Variants in MTHFD2L observed in about 807,000 individuals in gnomAD.
MTHFD2L encodes the protein methylenetetrahydrofolate dehydrogenase (NADP+ dependent) 2 like.
A neutral mutation model predicts 34.9 loss-of-function variants in MTHFD2L; 29 were observed. The ratio of observed to expected loss-of-function variants is 0.83; its 90% confidence interval spans 0.62 to 1.13. The LOEUF (loss-of-function observed/expected upper bound fraction) is 1.13. Ranked by LOEUF, MTHFD2L falls within the 50% of genes most tolerant of loss-of-function variation. The pLI is 0.00. For synonymous variants in MTHFD2L, 167 were observed against 155.7 expected (o/e 1.07, Z -0.54); for missense variants, 481 against 446.5 (o/e 1.08, Z -0.70).
chr4:74,120,032 C>T (rs1444815193), upstream of MTHFD2L, among the ~76,000 whole-genome samples: 2 of 152,152 alleles, frequency 1.3e-5, no homozygotes, highest in South Asian at 2.1e-4. Context: ...TTGAAGGCCA[C>T]CATTTTATCA....
chr4:74,243,177 T>C (rs898623263), intron 6 of MTHFD2L, among the ~76,000 whole-genome samples: 1 of 152,226 alleles, frequency 6.6e-6, no homozygotes, highest in Admixed American at 6.5e-5. Flanking sequence ...TAAGGGTTTA[T>C]GATTAGTAGC....
At chr4:74,285,660 G>A (rs1748078150) in intron 7 of MTHFD2L, among the ~76,000 whole-genome samples, 1 of 151,978 alleles carries the variant, frequency 6.6e-6, no homozygotes, top group South Asian at 2.1e-4. Flanking sequence ...AACTTTTAAT[G>A]TTTTGACAAA....
At chr4:74,158,083 G>T (rs1183793875), upstream of MTHFD2L, 2 of 1,532,138 alleles carry the variant, frequency 1.3e-6, no homozygotes, top group Non-Finnish European at 1.7e-6. Context: ...CTCCAGCCGC[G>T]AGGACTGGAG....
chr4:74,152,399 AG>A (rs949173257), intron 1 of MTHFD2L, among the ~76,000 whole-genome samples: 2 of 152,120 alleles, frequency 1.3e-5, no homozygotes, highest in Non-Finnish European at 2.9e-5. Flanking sequence ...TATAAATATC[AG>A]GTTTTTAAAA....
At chr4:74,221,395 A>G (rs925500969) in intron 5 of MTHFD2L, among the ~76,000 whole-genome samples, 1 of 151,708 alleles carries the variant, frequency 6.6e-6, no homozygotes, top group Non-Finnish European at 1.5e-5. Flanking sequence ...AATACAATAT[A>G]TTTTGTTTCT....
intron 5 of MTHFD2L, among the ~76,000 whole-genome samples, chr4:74,206,259 T>C (rs1735293952): frequency 1.3e-5 from 2 of 151,862 alleles, no homozygotes; most frequent in Admixed American, 1.3e-4. Flanking sequence ...ATGTAAGAAT[T>C]GGGTGGAGTA....
intron 3 of MTHFD2L, among the ~76,000 whole-genome samples, chr4:74,184,948 G>GAC (rs1351282135): frequency 6.6e-6 from 1 of 151,818 alleles, no homozygotes; most frequent in East Asian, 1.9e-4. Flanking sequence ...AGTAGATCGA[G>GAC]ACCGTCCTGG....
At chr4:74,146,501 A>G (rs538464421) in intron 1 of MTHFD2L, among the ~76,000 whole-genome samples, 15 of 152,156 alleles carry the variant, frequency 9.9e-5, no homozygotes, top group Non-Finnish European at 1.8e-4. Context: ...ATACACATTA[A>G]CAATAAATCC....
At chr4:74,121,292 A>C (rs545339576), upstream of MTHFD2L, among the ~76,000 whole-genome samples, 11 of 152,276 alleles carry the variant, frequency 7.2e-5, no homozygotes, top group South Asian at 2.1e-4. Flanking sequence ...TGCCCTTAAA[A>C]GTATGTTTGA....
At chr4:74,170,033 G>T (rs1382227977) in intron 1 of MTHFD2L, among the ~76,000 whole-genome samples, 1 of 152,068 alleles carries the variant, frequency 6.6e-6, no homozygotes, top group Non-Finnish European at 1.5e-5. Flanking sequence ...AGCTTCATGG[G>T]TGAATCCTAC....
At chr4:74,161,462 A>G (rs1022586830) in intron 1 of MTHFD2L, 3 of 152,240 alleles carry the variant, frequency 2.0e-5, no homozygotes, top group South Asian at 2.1e-4. Context: ...GAAATGAGAT[A>G]TAATAGCCAT....
At chr4:74,232,903 A>G (rs1267631753) in intron 6 of MTHFD2L, among the ~76,000 whole-genome samples, 2 of 152,152 alleles carry the variant, frequency 1.3e-5, no homozygotes, top group African/African-American at 2.4e-5. Context: ...GTTCTTGACT[A>G]TTGGACATTT....
chr4:74,170,583 T>C (rs1017327699), intron 1 of MTHFD2L, among the ~76,000 whole-genome samples: 4 of 151,852 alleles, frequency 2.6e-5, no homozygotes, highest in African/African-American at 4.8e-5. Flanking sequence ...AAGGAAAAAA[T>C]AATAAATTGG....
At chr4:74,182,684 T>A (rs1473708663) in intron 3 of MTHFD2L, 1 of 152,166 alleles carries the variant, frequency 6.6e-6, no homozygotes, top group African/African-American at 2.4e-5. Flanking sequence ...TCTCCAAATA[T>A]CCACATGTCC....
chr4:74,209,266 A>G (rs1160645663), intron 5 of MTHFD2L, among the ~76,000 whole-genome samples: 1 of 152,174 alleles, frequency 6.6e-6, no homozygotes, highest in East Asian at 1.9e-4. Flanking sequence ...ATAGGTATAC[A>G]TGGGCCATGG....
chr4:74,187,432 G>A (rs518475), intron 3 of MTHFD2L, among the ~76,000 whole-genome samples: 23,451 of 152,098 alleles, frequency 0.15, 3,915 homozygotes, highest in African/African-American at 0.41. Context: ...AGAGAGAATA[G>A]CAAGAGCAAA....
chr4:74,246,813 G>A (rs1486356674), intron 6 of MTHFD2L, among the ~76,000 whole-genome samples: 1 of 152,084 alleles, frequency 6.6e-6, no homozygotes, highest in African/African-American at 2.4e-5. Context: ...ATTTCTGAGG[G>A]CTCTGCTCTG....
chr4:74,155,378 T>C (rs1297834805), upstream of MTHFD2L, among the ~76,000 whole-genome samples: 2 of 152,182 alleles, frequency 1.3e-5, no homozygotes, highest in Admixed American at 6.5e-5. Context: ...CAGTGTTACA[T>C]GATTTTCATG....
chr4:74,208,361 A>G (rs892520584), intron 5 of MTHFD2L, among the ~76,000 whole-genome samples: 1 of 151,846 alleles, frequency 6.6e-6, no homozygotes, highest in African/African-American at 2.4e-5. Flanking sequence ...TCAGCCATTT[A>G]GTATCTGCAC....
Sources: gnomAD v4.1 joint callset for allele counts (sites outside exome capture counted in the v4.1 genomes callset) on GRCh38, gnomAD v4.1.1 for gene constraint, MANE v1.5 for transcripts, NCBI Gene and HGNC (gene_info 2026-07-23, HGNC 2026-07-21) for gene names.